DNM3: variants seen among roughly 807,000 people sequenced by gnomAD.
The protein encoded by DNM3 is dynamin 3.
In DNM3, 47 loss-of-function variants were observed where a neutral mutation model predicts 101.6. That is an observed-to-expected ratio of 0.46 (90% confidence interval 0.37 to 0.59). The LOEUF (loss-of-function observed/expected upper bound fraction) is 0.59, where lower values mean the gene tolerates loss of function less well. DNM3 is among the 20% of genes least tolerant of loss of function. The pLI is 0.00. For missense variants in DNM3, 849 were observed against 1,085.7 expected (o/e 0.78, Z 3.06); for synonymous variants, 385 against 387.9 (o/e 0.99, Z 0.09).
At chr1:172,267,713 C>CT (rs200336379) in intron 15 of DNM3, among the ~76,000 whole-genome samples, 1,676 of 148,706 alleles carry the variant, frequency 0.011, 31 homozygotes, top group African/African-American at 0.036. Flanking sequence ...TTCAGGTTTT[C>CT]TTTTTTTTTT....
intron 1 of DNM3, among the ~76,000 whole-genome samples, chr1:171,901,112 C>CAAAAA (rs1243053508): frequency 0.047 from 3,123 of 66,494 alleles, 528 homozygotes; most frequent in African/African-American, 0.16. Context: ...GACTCTGTCT[C>CAAAAA]AAAAAAAAAA....
At chr1:172,058,349 T>G (rs1389835308) in intron 10 of DNM3, among the ~76,000 whole-genome samples, 2 of 151,216 alleles carry the variant, frequency 1.3e-5, no homozygotes, top group East Asian at 4.0e-4. Flanking sequence ...GTGGACCTAA[T>G]AGACATCTAC....
chr1:171,937,958 C>G (rs1204767310), intron 2 of DNM3, among the ~76,000 whole-genome samples: 1 of 152,114 alleles, frequency 6.6e-6, no homozygotes, highest in Non-Finnish European at 1.5e-5. Context: ...GAGAAACACT[C>G]TCAACAGTTT....
At chr1:172,398,036 GC>G (rs1168304389) in intron 20 of DNM3, among the ~76,000 whole-genome samples, 1 of 152,086 alleles carries the variant, frequency 6.6e-6, no homozygotes, top group Non-Finnish European at 1.5e-5. Context: ...TATTTTTATT[GC>G]AAAGTTTGCA....
At chr1:171,853,366 T>G (rs2033203603) in intron 1 of DNM3, among the ~76,000 whole-genome samples, 1 of 152,094 alleles carries the variant, frequency 6.6e-6, no homozygotes, top group Non-Finnish European at 1.5e-5. Context: ...AGGGTCTCCC[T>G]ATGTTGTCCA....
intron 4 of DNM3, among the ~76,000 whole-genome samples, chr1:171,999,595 C>T (rs12048436): frequency 6.6e-6 from 1 of 152,196 alleles, no homozygotes; most frequent in East Asian, 1.9e-4. Flanking sequence ...GCTCCTCACC[C>T]CTCCAAGAAA....
intron 14 of DNM3, among the ~76,000 whole-genome samples, chr1:172,217,941 G>C (rs77433619): frequency 6.6e-6 from 1 of 152,102 alleles, no homozygotes; most frequent in African/African-American, 2.4e-5. Context: ...GTTTTATAGT[G>C]AATAACATTC....
At chr1:172,346,122 C>CAAAAAA (rs554868535) in intron 17 of DNM3, among the ~76,000 whole-genome samples, 31 of 92,110 alleles carry the variant, frequency 3.4e-4, no homozygotes, top group African/African-American at 6.1e-4. Flanking sequence ...GACTCCGTCT[C>CAAAAAA]AAAAAAAAAA....
chr1:172,114,867 G>A (rs1475347603), intron 13 of DNM3, among the ~76,000 whole-genome samples: 4 of 152,020 alleles, frequency 2.6e-5, no homozygotes, highest in Non-Finnish European at 4.4e-5. Context: ...GTGAGGCTAC[G>A]GGCATCTTGA....
intron 15 of DNM3, among the ~76,000 whole-genome samples, chr1:172,285,439 G>A (rs1205947348): frequency 1.3e-5 from 2 of 152,216 alleles, no homozygotes; most frequent in Admixed American, 6.5e-5. Context: ...TGAAGGTGGC[G>A]GTGGTGTTGG....
At chr1:172,049,724 A>G (rs1182217076) in intron 10 of DNM3, among the ~76,000 whole-genome samples, 2 of 152,146 alleles carry the variant, frequency 1.3e-5, no homozygotes, top group African/African-American at 4.8e-5. Context: ...TAGTTTTGTT[A>G]TCCTTCCCTT....
At chr1:172,245,221 C>T (rs2061904951) in intron 14 of DNM3, among the ~76,000 whole-genome samples, 1 of 152,094 alleles carries the variant, frequency 6.6e-6, no homozygotes, top group African/African-American at 2.4e-5. Flanking sequence ...GGGAGCAAGA[C>T]ACATAGAATG....
chr1:172,227,860 T>C (rs2061191921), intron 14 of DNM3, among the ~76,000 whole-genome samples: 1 of 152,170 alleles, frequency 6.6e-6, no homozygotes, highest in Non-Finnish European at 1.5e-5. Context: ...CTGGTCATAG[T>C]GGATATTATT....
chr1:172,222,943 T>C (rs945630030), intron 14 of DNM3, among the ~76,000 whole-genome samples: 1 of 152,148 alleles, frequency 6.6e-6, no homozygotes, highest in Non-Finnish European at 1.5e-5. Context: ...TTAAGTGTTA[T>C]TTTGTTTTTT....
At chr1:172,275,694 T>G (rs1478872033) in intron 15 of DNM3, among the ~76,000 whole-genome samples, 1 of 152,102 alleles carries the variant, frequency 6.6e-6, no homozygotes, top group African/African-American at 2.4e-5. Context: ...CCAGAAGTTC[T>G]GAGAAAGCAC....
At chr1:172,070,516 C>T (rs2052077666) in intron 11 of DNM3, among the ~76,000 whole-genome samples, 1 of 152,052 alleles carries the variant, frequency 6.6e-6, no homozygotes, top group Admixed American at 6.6e-5. Context: ...TTATTTAAAG[C>T]ATTTTAAATA....
rs532615829 is a variant in DNM3, at chr1:172,186,480, T to C, written c.1659+55192T>C. 4.6e-5 allele frequency among the ~76,000 whole-genome samples: 7 copies of C among 151,934 alleles called. No individual in the cohort carries two copies. The South Asian group carries it at 1.5e-3, about 32-fold the overall frequency. On this transcript the variant is annotated intron_variant, in intron 14 of 20. Transcript: ENST00000627582. The stretch of plus-strand genomic sequence containing the variant: ...TGGGTAAAATAATATAGAAGAGATA[T>C]AATATAAAAGGGGAAATAATTTAGA...
chr1:172,353,920 C>T (rs984800776), intron 17 of DNM3, among the ~76,000 whole-genome samples: 2 of 151,884 alleles, frequency 1.3e-5, no homozygotes, highest in African/African-American at 4.8e-5. Context: ...ATATGGAGCC[C>T]AAATAAAATT....
chr1:172,132,345 A>G (rs563340013), intron 14 of DNM3, among the ~76,000 whole-genome samples: 17 of 152,288 alleles, frequency 1.1e-4, no homozygotes, highest in African/African-American at 4.1e-4. Flanking sequence ...GATTGCCACT[A>G]AACTTTCTGC....
Sources: allele counts gnomAD v4.1 joint callset (sites outside exome capture counted in the v4.1 genomes callset), GRCh38; gene constraint gnomAD v4.1.1; transcripts MANE v1.5; gene names NCBI Gene and HGNC (gene_info 2026-07-23, HGNC 2026-07-21).